The following RBMS1 variants were observed in gnomAD, a reference collection of about 807,000 sequenced individuals.
The protein encoded by RBMS1 is RNA-binding motif, single-stranded-interacting protein 1.
RBMS1 carries 17 observed loss-of-function variants against 62.3 expected under a neutral mutation model. That is an observed-to-expected ratio of 0.27 (90% CI 0.19 to 0.41). The LOEUF (loss-of-function observed/expected upper bound fraction) is 0.41, where lower values mean the gene tolerates loss of function less well. RBMS1 is among the 10% of genes least tolerant of loss of function. The pLI, the probability that RBMS1 is intolerant of heterozygous loss-of-function variation, is 1.00. For synonymous variants in RBMS1, 172 were observed against 170.0 expected, an observed-to-expected ratio of 1.01 and a Z score of -0.09; for missense variants, 334 against 504.5, an observed-to-expected ratio of 0.66 and a Z score of 3.24.
At chr2:160,466,632 C>T (rs984267184) in intron 1 of RBMS1, among the ~76,000 whole-genome samples, 1 of 152,184 alleles carries the variant, frequency 6.6e-6, no homozygotes, top group African/African-American at 2.4e-5. Context: ...GTTCCAGAAC[C>T]CACACCTATG....
intron 1 of RBMS1, among the ~76,000 whole-genome samples, chr2:160,480,585 C>T (rs956483612): frequency 2.6e-5 from 4 of 152,106 alleles, no homozygotes; most frequent in Admixed American, 6.5e-5. Context: ...GATATACCAT[C>T]CTTAAAGTTT....
intron 1 of RBMS1, among the ~76,000 whole-genome samples, chr2:160,456,099 G>A (rs1381420065): frequency 1.3e-5 from 2 of 152,168 alleles, no homozygotes; most frequent in Non-Finnish European, 2.9e-5. Flanking sequence ...GGACCTACAG[G>A]CAATGTGAAA....
chr2:160,416,720 G>A (rs370885177), intron 1 of RBMS1, among the ~76,000 whole-genome samples: 5 of 152,108 alleles, frequency 3.3e-5, no homozygotes, highest in East Asian at 3.9e-4. Flanking sequence ...ATTAAGGGCC[G>A]GTCCTTGTAA....
intron 1 of RBMS1, among the ~76,000 whole-genome samples, chr2:160,440,617 C>A (rs1347063119): frequency 6.6e-6 from 1 of 152,190 alleles, no homozygotes; most frequent in Non-Finnish European, 1.5e-5. Context: ...GGTGATGTCC[C>A]TAGATCTGCT....
At chr2:160,368,128 A>G (rs1190322609) in intron 1 of RBMS1, among the ~76,000 whole-genome samples, 1 of 152,172 alleles carries the variant, frequency 6.6e-6, no homozygotes, top group Non-Finnish European at 1.5e-5. Context: ...CTCATACCAG[A>G]TAATTCTCTG....
chr2:160,487,172 T>TA (rs1675045299), intron 1 of RBMS1, among the ~76,000 whole-genome samples: 1 of 152,186 alleles, frequency 6.6e-6, no homozygotes, highest in Non-Finnish European at 1.5e-5. Flanking sequence ...TGCTGGTAAG[T>TA]AAAAAAATTC....
intron 2 of RBMS1, among the ~76,000 whole-genome samples, chr2:160,334,307 T>A (rs1449183901): frequency 6.6e-6 from 1 of 152,204 alleles, no homozygotes; most frequent in Non-Finnish European, 1.5e-5. Context: ...AATGAATATG[T>A]GGGCAGTCAG....
At chr2:160,293,093 G>A (rs1170678422) in intron 6 of RBMS1, among the ~76,000 whole-genome samples, 1 of 152,152 alleles carries the variant, frequency 6.6e-6, no homozygotes. Flanking sequence ...GAAGGTACCA[G>A]GGACATTCCA....
intron 1 of RBMS1, among the ~76,000 whole-genome samples, chr2:160,452,734 C>T (rs547706829): frequency 4.6e-5 from 7 of 152,254 alleles, no homozygotes; most frequent in African/African-American, 1.7e-4. Flanking sequence ...AAGCTAAGCA[C>T]TGGAGGGTAT....
chr2:160,303,195 C>T (rs1689309124), intron 5 of RBMS1, 135 bp downstream of exon 5: 13 of 827,640 alleles, frequency 1.6e-5, no homozygotes, highest in Non-Finnish European at 2.3e-5. Flanking sequence ...GGTATTTACA[C>T]ATAATTTAAG....
intron 1 of RBMS1, among the ~76,000 whole-genome samples, chr2:160,489,714 G>A (rs1239157462): frequency 1.3e-5 from 2 of 151,970 alleles, no homozygotes; most frequent in East Asian, 1.9e-4. Flanking sequence ...AGAAAGAAAC[G>A]TATCTTTCGT....
In RBMS1 at chr2:160,396,550, C is replaced by CTTTTT. The variant is rs59600753; in HGVS notation, c.76-29164_76-29160dup. 1.8e-4 allele frequency among the ~76,000 whole-genome samples: 14 copies of CTTTTT among 77,852 alleles called. 1 individual carries two copies. Among genetic ancestry groups the CTTTTT allele is most frequent in the Non-Finnish European group, 2.8e-4 (12 of 42,766 alleles). 51.1% of individuals were successfully genotyped at this position (77,852 alleles called of 152,430 possible). Reference sequence around the variant, plus strand: ...CTCTCCCAGGGACTTTTCTTTTTATCTTTTTTTTTTTTTTTTTTTTTTTTT... The same window carrying CTTTTT: ...CTCTCCCAGGGACTTTTCTTTTTATCTTTTTTTTTTTTTTTTTTTTTTTTTTTTTT... On this transcript the variant is annotated intron_variant, in intron 1 of 13. Transcript: ENST00000348849.
intron 1 of RBMS1, among the ~76,000 whole-genome samples, chr2:160,378,982 G>C (rs1199986229): frequency 6.6e-6 from 1 of 152,234 alleles, no homozygotes; most frequent in African/African-American, 2.4e-5. Flanking sequence ...CACTTTGGGA[G>C]GCAGAGATGG....
chr2:160,319,163 T>C (rs932107257), intron 2 of RBMS1, among the ~76,000 whole-genome samples: 1 of 152,152 alleles, frequency 6.6e-6, no homozygotes, highest in Non-Finnish European at 1.5e-5. Flanking sequence ...ATGCTTGCCT[T>C]CTAAAAATTG....
At chr2:160,339,139 A>G (rs370087118) in intron 2 of RBMS1, among the ~76,000 whole-genome samples, 2 of 152,192 alleles carry the variant, frequency 1.3e-5, no homozygotes, top group African/African-American at 4.8e-5. Context: ...GAGCTGCTGA[A>G]GAAAAAGCCA....
rs1397238076 is a variant in RBMS1, at chr2:160,493,229, C to A, written c.75+60G>T. 4 of 1,527,848 alleles carry A rather than the reference C, an allele frequency of 2.6e-6. No individual in the cohort carries two copies. The African/African-American group carries it at 4.1e-5, about 16-fold the overall frequency. The allele number at this position is 1,527,848 out of a possible 1,614,324, so 94.6% of individuals were successfully genotyped here. A position where few individuals can be genotyped will look rare whatever the true frequency, so the allele number is the denominator to read the frequency against. On this transcript the variant is annotated intron_variant, in intron 1 of 13. Coordinates refer to ENST00000348849, the MANE Select transcript of RBMS1 (RefSeq NM_016836.4). The stretch of plus-strand genomic sequence containing the variant: ...CGCGCGCCCCCCTCCCCAGGCCTGA[C>A]CCTGCGCGCGTCCCCGGGCCCCCTC...
At chr2:160,439,186 C>CG (rs1361190304) in intron 1 of RBMS1, among the ~76,000 whole-genome samples, 3 of 149,850 alleles carry the variant, frequency 2.0e-5, no homozygotes, top group African/African-American at 2.5e-5. Flanking sequence ...GCTGGCCGGA[C>CG]GGGGGGCTGA....
rs528873842 is a variant in RBMS1 at position 160,340,794 on chromosome 2, C to A, written c.252-22567G>T. 2.6e-5 allele frequency among the ~76,000 whole-genome samples: 4 copies of A among 152,224 alleles called. No individual in the cohort carries two copies. In the South Asian group the frequency reaches 8.3e-4, roughly 32 times the overall value. ...TTTACTTTTTTAGAAAACTGGGATA[C>A]CCATAGGCATGTTAGTAAACATACA... On this transcript the variant is annotated intron_variant, in intron 2 of 13. Transcript: ENST00000348849.
intron 1 of RBMS1, among the ~76,000 whole-genome samples, chr2:160,390,528 G>GA (rs887989730): frequency 1.3e-5 from 2 of 151,928 alleles, no homozygotes; most frequent in Non-Finnish European, 2.9e-5. Context: ...TTGTCACTAT[G>GA]AAAAAAATTT....
Sources: gnomAD v4.1 joint callset for allele counts (sites outside exome capture counted in the v4.1 genomes callset) on GRCh38, gnomAD v4.1.1 for gene constraint, MANE v1.5 for transcripts, NCBI Gene and HGNC (gene_info 2026-07-23, HGNC 2026-07-21) for gene names.